The following PAWR variants were observed in gnomAD, a reference collection of about 807,000 sequenced individuals.
The protein encoded by PAWR is PRKC apoptosis WT1 regulator protein.
Under a neutral mutation model 32.0 loss-of-function variants are expected in PAWR, and 23 were observed. The observed-to-expected ratio is 0.72, with a 90% CI of 0.52 to 1.02. The LOEUF (loss-of-function observed/expected upper bound fraction) is 1.02, where lower values mean the gene tolerates loss of function less well. PAWR is among the 50% of genes least tolerant of loss of function. The probability of loss-of-function intolerance (pLI) is 0.00; values close to 1 mark genes in which losing one functional copy is unlikely to be tolerated. For missense variants in PAWR, 457 were observed against 437.7 expected (o/e 1.04, Z -0.39); for synonymous variants, 226 against 187.1 (o/e 1.21, Z -1.70).
rs527272191 is a variant in PAWR, at chr12:79,621,672, A to G, written c.517-465T>C. 5.9e-5 allele frequency among the ~76,000 whole-genome samples: 9 copies of G among 152,316 alleles called. No homozygotes were observed. In the South Asian group the frequency reaches 1.9e-3, roughly 32 times the overall value. On this transcript the variant is annotated intron_variant, in intron 2 of 6. Coordinates refer to ENST00000328827, the MANE Select transcript of PAWR (RefSeq NM_002583.4). The stretch of plus-strand genomic sequence containing the variant: ...TTTATATTCTATGAGCATATAAAGG[A>G]AGAGTATTTTTACCTGGAGAGTTAG...
In PAWR at chr12:79,672,880, A is replaced by AT. The variant is rs1463929489; in HGVS notation, c.516+16848dup. ...TTCCCACCACTATCTGTCCTATATT[A>AT]TTTGGAAGCAAATCCCAGGCATTTC... On this transcript the variant is annotated intron_variant, in intron 2 of 6. Coordinates refer to ENST00000328827, the MANE Select transcript of PAWR (RefSeq NM_002583.4). Among the ~76,000 whole-genome samples the AT allele has an allele frequency of 7.2e-5, 11 of 152,252 alleles. No individual in the cohort carries two copies. In the East Asian group the frequency reaches 1.5e-3, roughly 21 times the overall value.
chr12:79,599,942 T>G (rs1873895800), intron 4 of PAWR, among the ~76,000 whole-genome samples: 1 of 152,200 alleles, frequency 6.6e-6, no homozygotes, highest in Admixed American at 6.5e-5. Flanking sequence ...TTTGTAATAT[T>G]CTTTCAAATA....
intron 3 of PAWR, among the ~76,000 whole-genome samples, chr12:79,614,823 G>GA (rs1038691865): frequency 3.9e-5 from 6 of 152,148 alleles, no homozygotes; most frequent in Non-Finnish European, 8.8e-5. Context: ...GCAATGTGGG[G>GA]AACCAGTACA....
At chr12:79,675,315 G>A (rs1872914913) in intron 2 of PAWR, among the ~76,000 whole-genome samples, 1 of 152,102 alleles carries the variant, frequency 6.6e-6, no homozygotes, top group Admixed American at 6.5e-5. Context: ...GAAGGTGGAG[G>A]TTGCAGTAAG....
intron 5 of PAWR, among the ~76,000 whole-genome samples, chr12:79,596,299 T>C (rs1320412684): frequency 1.3e-5 from 2 of 152,166 alleles, no homozygotes; most frequent in Non-Finnish European, 2.9e-5. Context: ...TCAGACAATA[T>C]AATAAATACA....
chr12:79,622,721 A>G (rs746711022), intron 2 of PAWR, among the ~76,000 whole-genome samples: 27 of 152,300 alleles, frequency 1.8e-4, no homozygotes, highest in Non-Finnish European at 3.2e-4. Flanking sequence ...CCCTTGTCAT[A>G]TCAACCTGCC....
intron 2 of PAWR, among the ~76,000 whole-genome samples, chr12:79,645,723 AATG>A (rs1876543761): frequency 1.3e-5 from 2 of 152,370 alleles, no homozygotes; most frequent in Middle Eastern, 3.4e-3. Flanking sequence ...TTACCCTATC[AATG>A]ATAACATTAT....
chr12:79,608,048 T>TA (rs1874265402), intron 4 of PAWR, among the ~76,000 whole-genome samples: 1 of 131,272 alleles, frequency 7.6e-6, no homozygotes, highest in African/African-American at 2.9e-5. Context: ...AAACTCGGAC[T>TA]CAAAAAAAAA....
At chr12:79,633,247 AAC>A (rs1379562269) in intron 2 of PAWR, among the ~76,000 whole-genome samples, 2 of 152,208 alleles carry the variant, frequency 1.3e-5, no homozygotes, top group African/African-American at 4.8e-5. Context: ...TATTTGCAAA[AAC>A]ACACACCTGA....
chr12:79,667,822 A>G (rs1012419444), intron 2 of PAWR, among the ~76,000 whole-genome samples: 1 of 152,242 alleles, frequency 6.6e-6, no homozygotes, highest in Non-Finnish European at 1.5e-5. Context: ...GCCATAAATT[A>G]AAAATAACTG....
chr12:79,610,826 C>T (rs1430490209), intron 4 of PAWR, among the ~76,000 whole-genome samples: 40 of 148,066 alleles, frequency 2.7e-4, no homozygotes, highest in Admixed American at 2.6e-3. Flanking sequence ...ATTGGTAACA[C>T]TGATCCATCT....
chr12:79,648,341 G>C (rs917935629), intron 2 of PAWR, among the ~76,000 whole-genome samples: 1 of 152,032 alleles, frequency 6.6e-6, no homozygotes, highest in Non-Finnish European at 1.5e-5. Flanking sequence ...CCTAGCTGAA[G>C]ACTTAATTAC....
chr12:79,687,973 T>G (rs1188349482), intron 2 of PAWR, among the ~76,000 whole-genome samples: 2 of 151,918 alleles, frequency 1.3e-5, no homozygotes, highest in Non-Finnish European at 2.9e-5. Flanking sequence ...CCCTATTCAA[T>G]AAAAAGGTTC....
chr12:79,599,674 G>A (rs1873887428), intron 4 of PAWR, among the ~76,000 whole-genome samples: 1 of 152,184 alleles, frequency 6.6e-6, no homozygotes, highest in Non-Finnish European at 1.5e-5. Context: ...TTCCTTTGCA[G>A]GATCTTATTT....
intron 2 of PAWR, among the ~76,000 whole-genome samples, chr12:79,629,344 T>A (rs192174550): frequency 1.2e-3 from 179 of 152,178 alleles, no homozygotes; most frequent in African/African-American, 4.2e-3. Context: ...GCTGAAACAG[T>A]CTTATCGAAG....
At chr12:79,628,155 T>C (rs1875433546) in intron 2 of PAWR, among the ~76,000 whole-genome samples, 1 of 152,018 alleles carries the variant, frequency 6.6e-6, no homozygotes, top group Admixed American at 6.6e-5. Context: ...TAAGAAACTC[T>C]CTCAAAACCA....
intron 2 of PAWR, among the ~76,000 whole-genome samples, chr12:79,634,931 T>C (rs1199418852): frequency 2.0e-5 from 3 of 152,158 alleles, no homozygotes; most frequent in Non-Finnish European, 4.4e-5. Flanking sequence ...TAAGGTCTCA[T>C]TTCCAAGTTT....
chr12:79,615,103 A>G (rs1874662764), intron 3 of PAWR, among the ~76,000 whole-genome samples: 1 of 152,226 alleles, frequency 6.6e-6, no homozygotes, highest in Non-Finnish European at 1.5e-5. Flanking sequence ...AAAAATCTTA[A>G]TTGAATTTTC....
chr12:79,613,979 ATTTTTTTTTTTTTTTTTTTTTTTTTTTT>A (rs71091676), intron 3 of PAWR, among the ~76,000 whole-genome samples: 1 of 6,694 alleles, frequency 1.5e-4, no homozygotes, highest in African/African-American at 5.4e-4. Flanking sequence ...ATATATATAT[ATTTTTTTTTTTTTTTTTTTTTTTTTTTT>A]TTTTTTTTTT....
Sources: allele counts gnomAD v4.1 joint callset (sites outside exome capture counted in the v4.1 genomes callset), GRCh38; gene constraint gnomAD v4.1.1; transcripts MANE v1.5; gene names NCBI Gene and HGNC (gene_info 2026-07-23, HGNC 2026-07-21).